Variants in TRPM8 observed in about 807,000 individuals in gnomAD.
TRPM8 encodes the protein TRPM8 cationic channel.
TRPM8 carries 110 observed loss-of-function variants against 133.7 expected under a neutral mutation model. That is an observed-to-expected ratio of 0.82 (90% CI 0.70 to 0.96). The LOEUF is 0.96. Ranked by LOEUF, TRPM8 falls within the 40% of genes least tolerant of loss-of-function variation. TRPM8 has a pLI of 0.00. For synonymous variants in TRPM8, 535 were observed against 532.3 expected, an observed-to-expected ratio of 1.01 and a Z score of -0.07; for missense variants, 1,291 against 1,379.5, an observed-to-expected ratio of 0.94 and a Z score of 1.02.
At chr2:233,947,044 T>A in intron 7 of TRPM8, 44 bp from the exon 8 acceptor site, 2 of 1,591,328 alleles carry the variant, frequency 1.3e-6, no homozygotes, top group Non-Finnish European at 1.7e-6. Context: ...TAGGTGAGTA[T>A]TTCTAATGAG....
At chr2:234,000,893 G>A (rs1359627154) in intron 22 of TRPM8, among the ~76,000 whole-genome samples, 3 of 152,192 alleles carry the variant, frequency 2.0e-5, no homozygotes, top group African/African-American at 7.2e-5. Context: ...GGCCAGAATG[G>A]TCTCGAACTC....
At chr2:233,995,271 G>A (rs972902706) in intron 21 of TRPM8, among the ~76,000 whole-genome samples, 8 of 152,216 alleles carry the variant, frequency 5.3e-5, no homozygotes, top group Non-Finnish European at 1.2e-4. Context: ...GATTAAGCCA[G>A]TTAATTTAAG....
intron 8 of TRPM8, 65 bp downstream of exon 8, chr2:233,947,220 A>G: frequency 6.2e-7 from 1 of 1,601,990 alleles, no homozygotes; most frequent in Admixed American, 1.7e-5. Flanking sequence ...TTGTATTTTC[A>G]AGGATTTGGG....
At chr2:233,917,890 T>C (rs1691333500) in intron 1 of TRPM8, among the ~76,000 whole-genome samples, 2 of 152,240 alleles carry the variant, frequency 1.3e-5, no homozygotes, top group Non-Finnish European at 1.5e-5. Flanking sequence ...ATTCAAATAG[T>C]AAATATTCTT....
At position 233,950,065 on chromosome 2, in the gene TRPM8, C is replaced by T. The variant is rs200656648; in HGVS notation, c.1059C>T (p.Ala353=). The T allele has an allele frequency of 2.2e-5, 35 of 1,613,952 alleles. 1 individual carries two copies. Among genetic ancestry groups the T allele is most frequent in the East Asian group, 1.3e-4 (6 of 44,894 alleles). The stretch of plus-strand genomic sequence containing the variant: ...TGGAGGATGCCCTGACATCTTCTGC[C>T]GTCAAGGAGAAGCTGGTGCGCTTTT... ...VEVEDALTSS[A]VKEKLVRFLP... is the part of the protein sequence containing the mutation. Residue 353 remains alanine, a synonymous_variant, in exon 9 of 26, where the codon GCC becomes GCT. Transcript: ENST00000324695.
chr2:234,006,988 C>G, intron 23 of TRPM8, 36 bp downstream of exon 23: 1 of 1,511,098 alleles, frequency 6.6e-7, no homozygotes, highest in Non-Finnish European at 9.2e-7. Flanking sequence ...TGCAAGGCTC[C>G]CTCTGTAGAC....
In TRPM8 at chr2:233,989,454, A is replaced by G. The variant is rs1360694425; in HGVS notation, c.2939+3589A>G. Among the ~76,000 whole-genome samples the G allele has an allele frequency of 1.3e-5, 2 of 152,238 alleles. No homozygotes were observed. Among genetic ancestry groups the G allele is most frequent in the Non-Finnish European group, 2.9e-5 (2 of 68,044 alleles). On this transcript the variant is annotated intron_variant, in intron 21 of 25. Transcript: ENST00000324695. The surrounding 1 kb of genome is among the most constrained non-coding windows in gnomAD (Gnocchi z 4.2). Reference sequence around the variant, plus strand: ...ACCTCCTCGATTAGCTCCGGCTTAAACCAGAGGCCTTTTCCTGGCTAATAC... The same window carrying G: ...ACCTCCTCGATTAGCTCCGGCTTAAGCCAGAGGCCTTTTCCTGGCTAATAC...
chr2:233,987,286 C>A (rs1027732517), intron 21 of TRPM8, among the ~76,000 whole-genome samples: 1 of 152,052 alleles, frequency 6.6e-6, no homozygotes, highest in African/African-American at 2.4e-5. Context: ...AAACAAATTG[C>A]AAATTAATTT....
At chr2:233,973,414 A>G (rs1308606091) in intron 17 of TRPM8, among the ~76,000 whole-genome samples, 4 of 152,058 alleles carry the variant, frequency 2.6e-5, no homozygotes, top group Non-Finnish European at 4.4e-5. Context: ...GGCAAGCTTC[A>G]CCATTCCTTG....
chr2:234,012,494 T>A (rs1470811261), intron 24 of TRPM8, among the ~76,000 whole-genome samples: 1 of 151,862 alleles, frequency 6.6e-6, no homozygotes, highest in Non-Finnish European at 1.5e-5. Flanking sequence ...TGTGTGTGTG[T>A]GTGAGTGTGT....
chr2:233,987,405 A>G (rs1044316157), intron 21 of TRPM8, among the ~76,000 whole-genome samples: 7 of 152,260 alleles, frequency 4.6e-5, no homozygotes, highest in Admixed American at 4.6e-4. Flanking sequence ...AGAAAAGAAT[A>G]TAAGGAAAAG....
chr2:233,942,493 C>T (rs1344314350), intron 5 of TRPM8, 83 bp from the exon 6 acceptor site: 1 of 1,371,368 alleles, frequency 7.3e-7, no homozygotes, highest in African/African-American at 1.4e-5. Flanking sequence ...AGGGATGGGG[C>T]CTTTATTTTA....
intron 17 of TRPM8, 37 bp downstream of exon 17, chr2:233,970,463 C>T (rs1455677576): frequency 6.3e-6 from 10 of 1,581,336 alleles, no homozygotes; most frequent in Non-Finnish European, 8.7e-6. Context: ...CCCTCGCTTC[C>T]TCGGTGGGAG....
In TRPM8 at chr2:233,980,193, C is replaced by T. The variant is rs78425511; in HGVS notation, c.2361C>T (p.Tyr787=). The T allele has an allele frequency of 6.9e-5, 111 of 1,599,362 alleles. No homozygotes were observed. In the African/African-American group the frequency reaches 9.7e-4, roughly 14 times the overall value. ...CTGTCCCTTTCTGTACGCAGTGGTACGTAAATGGGGTGAATTATTTTACTG... is the reference window on the plus strand; with the variant it reads ...CTGTCCCTTTCTGTACGCAGTGGTATGTAAATGGGGTGAATTATTTTACTG... ...VLFCDEVRQW[Y]VNGVNYFTDL... The change falls in exon 18 of 26, where the codon TAC becomes TAT. Residue 787 remains tyrosine (Y), a synonymous_variant. Coordinates refer to ENST00000324695, the MANE Select transcript of TRPM8 (RefSeq NM_024080.5).
chr2:233,973,546 A>G (rs1378739253), intron 17 of TRPM8, among the ~76,000 whole-genome samples: 1 of 152,216 alleles, frequency 6.6e-6, no homozygotes, highest in Admixed American at 6.5e-5. Context: ...ACCCTACTTC[A>G]GCATGACTTC....
chr2:233,926,653 GC>G lies in TRPM8; in HGVS notation c.117del (p.Ser39ArgfsTer4), dbSNP rs1672600080. 2 of 1,610,172 alleles carry G rather than the reference GC, an allele frequency of 1.2e-6. No homozygotes were observed. Among genetic ancestry groups the G allele is most frequent in the East Asian group, 4.5e-5 (2 of 44,870 alleles). On this transcript the variant is annotated frameshift_variant and splice_region_variant, in exon 2 of 26. Coordinates refer to ENST00000324695, the MANE Select transcript of TRPM8 (RefSeq NM_024080.5). LOFTEE classifies it high-confidence loss of function. ...SRSTDLSYSE[S>X]DLVNFIQANF... ...AGCACAGACTTGTCTTACAGTGAAA[GC>G]GTAAGTCATGCGCATCACCTGTTTG... is the stretch of plus-strand genomic sequence containing the variant.
Position 233,954,011 on chromosome 2 carries a change from T to C in TRPM8, c.1235T>C (p.Leu412Pro), listed in dbSNP as rs1691232617. ...EIVSNAISYA[L>P]YKAFSTSEQD... Reference sequence around the variant, plus strand: ...GTGAGCAATGCCATCTCCTACGCTCTATACAAAGGTGAGTAAAAATAGCTC... The same window carrying C: ...GTGAGCAATGCCATCTCCTACGCTCCATACAAAGGTGAGTAAAAATAGCTC... Residue 412 changes from leucine to proline, a missense_variant, in exon 10 of 26, where the codon CTA becomes CCA. Coordinates refer to ENST00000324695, the MANE Select transcript of TRPM8 (RefSeq NM_024080.5). The C allele has an allele frequency of 6.3e-7, 1 of 1,599,534 alleles. No homozygotes were observed. The highest frequency in any genetic ancestry group is 2.2e-5 in the East Asian group (1 of 44,596).
At chr2:233,926,291 C>T (rs374573861) in intron 1 of TRPM8, among the ~76,000 whole-genome samples, 4 of 151,964 alleles carry the variant, frequency 2.6e-5, no homozygotes, top group Admixed American at 2.0e-4. Context: ...AGGAGGGGAT[C>T]CTGACTCAGG....
At chr2:233,992,998 A>G (rs1165220177) in intron 21 of TRPM8, among the ~76,000 whole-genome samples, 1 of 152,168 alleles carries the variant, frequency 6.6e-6, no homozygotes, top group Non-Finnish European at 1.5e-5. Context: ...CCTCTGGAGA[A>G]CCCTCATGTC....
Sources: gnomAD v4.1 joint callset for allele counts (sites outside exome capture counted in the v4.1 genomes callset) on GRCh38, gnomAD v4.1.1 for gene constraint, Gnocchi (gnomAD v3.1) non-coding constraint, MANE v1.5 for transcripts, NCBI Gene and HGNC (gene_info 2026-07-23, HGNC 2026-07-21) for gene names.